Variants in C2CD3 observed in about 807,000 individuals in gnomAD.
C2CD3 encodes the protein C2 domain containing 3 centriole elongation regulator.
C2CD3 carries 148 observed loss-of-function variants against 234.0 expected under a neutral mutation model. That is an observed-to-expected ratio of 0.63 (90% CI 0.55 to 0.72). The LOEUF (loss-of-function observed/expected upper bound fraction) is 0.72, where lower values mean the gene tolerates loss of function less well. Ranked by LOEUF, C2CD3 falls within the 30% of genes least tolerant of loss-of-function variation. The pLI is 0.00. For missense variants in C2CD3, 2,577 were observed against 2,811.5 expected, an observed-to-expected ratio of 0.92 and a Z score of 1.89; for synonymous variants, 1,000 against 1,035.4, an observed-to-expected ratio of 0.97 and a Z score of 0.66.
chr11:74,157,630 TG>T (rs1324824207), intron 3 of C2CD3, among the ~76,000 whole-genome samples: 1 of 152,232 alleles, frequency 6.6e-6, no homozygotes, highest in Non-Finnish European at 1.5e-5. Context: ...TAATGTTAGA[TG>T]TTTTTTCCTT....
intron 12 of C2CD3, among the ~76,000 whole-genome samples, chr11:74,107,326 A>T (rs1225885433): frequency 2.0e-5 from 3 of 150,138 alleles, no homozygotes; most frequent in Non-Finnish European, 3.0e-5. Flanking sequence ...ACTGTGTCAC[A>T]CACACACACA....
chr11:74,049,515 G>A lies in C2CD3; in HGVS notation c.5183C>T (p.Ser1728Leu), dbSNP rs1293879632. The change falls in exon 27 of 33, where the codon TCG (serine) becomes TTG (leucine). Residue 1728 changes from serine (S) to leucine (L), a missense_variant. Transcript: ENST00000334126. ...GDEERVIGFA[S>L]VDLSPLLSGF... ...AGAGAGAAGTGGGGAGAGGTCCACCGAGGCAAAGCCAATCACCCTCTCCTC... is the reference window on the plus strand; with the variant it reads ...AGAGAGAAGTGGGGAGAGGTCCACCAAGGCAAAGCCAATCACCCTCTCCTC... The A allele has an allele frequency of 5.6e-6, 9 of 1,612,400 alleles. No homozygotes were observed. The highest frequency in any genetic ancestry group is 1.3e-5 in the African/African-American group (1 of 74,968).
intron 9 of C2CD3, among the ~76,000 whole-genome samples, chr11:74,115,297 A>G (rs1332297435): frequency 6.6e-6 from 1 of 152,082 alleles, no homozygotes; most frequent in Non-Finnish European, 1.5e-5. Flanking sequence ...TACAATACAT[A>G]TGAGTACAGA....
At chr11:74,039,850 T>G (rs1319036401) in intron 29 of C2CD3, among the ~76,000 whole-genome samples, 2 of 152,218 alleles carry the variant, frequency 1.3e-5, no homozygotes, top group Non-Finnish European at 2.9e-5. Context: ...GAGTTTCTTT[T>G]TTTAAGTGGG....
At position 74,134,626 on chromosome 11, in the gene C2CD3, G is replaced by GA. The variant is rs1957796972; in HGVS notation, c.956-1070dup. Among the ~76,000 whole-genome samples, 7 of 152,274 alleles carry GA rather than the reference G, an allele frequency of 4.6e-5. No homozygotes were observed. In the South Asian group the frequency reaches 1.2e-3, roughly 27 times the overall value. On this transcript the variant is annotated intron_variant, in intron 5 of 32. Coordinates refer to ENST00000334126, the MANE Select transcript of C2CD3 (RefSeq NM_001286577.2). Reference sequence around the variant, plus strand: ...TTTCTTGAGGTTCCACAGGTGCTTAGAAAGTGCCCAACTCCTAGTCTAATT... The same window carrying GA: ...TTTCTTGAGGTTCCACAGGTGCTTAGAAAAGTGCCCAACTCCTAGTCTAATT...
chr11:74,115,989 G>A (rs1956915048), intron 9 of C2CD3, among the ~76,000 whole-genome samples: 2 of 152,122 alleles, frequency 1.3e-5, no homozygotes, highest in African/African-American at 4.8e-5. Flanking sequence ...ATGGATCAAG[G>A]ACTTAAATCT....
intron 11 of C2CD3, chr11:74,113,481 C>T (rs569048176): frequency 5.8e-6 from 2 of 342,224 alleles, no homozygotes; most frequent in Non-Finnish European, 1.1e-5. Flanking sequence ...GGGTTTGAGA[C>T]CACCCTGGCC....
intron 8 of C2CD3, among the ~76,000 whole-genome samples, chr11:74,119,750 C>T (rs1957149491): frequency 6.6e-6 from 1 of 151,754 alleles, no homozygotes; most frequent in African/African-American, 2.4e-5. Flanking sequence ...ATTCTCATGC[C>T]TCAGTCTCCC....
chr11:74,065,193 C>A (rs541363837), intron 24 of C2CD3, among the ~76,000 whole-genome samples: 201 of 152,270 alleles, frequency 1.3e-3, no homozygotes, highest in Non-Finnish European at 2.4e-3. Flanking sequence ...CCAGAATCTA[C>A]AAAGAACTTA....
rs1172170797 is a variant in C2CD3 at position 74,033,656 on chromosome 11, G to C, written c.6504C>G (p.Ala2168=). The change falls in exon 31 of 33, where the codon GCC becomes GCG. Residue 2168 remains alanine, a synonymous_variant. Coordinates refer to ENST00000334126, the MANE Select transcript of C2CD3 (RefSeq NM_001286577.2). ...ATGGGATGGGCTGAGGGTTGGCTGAGGCAGACTCGCCACCAACCCTGGCCT... is the reference window on the plus strand; with the variant it reads ...ATGGGATGGGCTGAGGGTTGGCTGACGCAGACTCGCCACCAACCCTGGCCT... ...ASKARVGGES[A]SANPQPIPCP... is the part of the protein sequence containing the mutation. 1 of 1,536,220 alleles carries C rather than the reference G, an allele frequency of 6.5e-7. No homozygotes were observed. The highest frequency in any genetic ancestry group is 2.0e-5 in the Admixed American group (1 of 51,000).
At chr11:74,143,613 T>C (rs1262576255) in intron 3 of C2CD3, among the ~76,000 whole-genome samples, 1 of 150,590 alleles carries the variant, frequency 6.6e-6, no homozygotes, top group East Asian at 1.9e-4. Context: ...CTCAAACTGC[T>C]GGCCTTAAGT....
intron 7 of C2CD3, among the ~76,000 whole-genome samples, chr11:74,124,610 A>G (rs529009496): frequency 6.6e-6 from 1 of 152,044 alleles, no homozygotes; most frequent in Admixed American, 6.6e-5. Flanking sequence ...ATCTATAGTA[A>G]CTCTCAAAGG....
At chr11:74,074,660 G>C in intron 23 of C2CD3, 60 bp from the exon 24 acceptor site, 1 of 1,363,504 alleles carries the variant, frequency 7.3e-7, no homozygotes, top group South Asian at 1.4e-5. Context: ...AAGCTTGGAG[G>C]AAATACTCAC....
Position 74,118,208 on chromosome 11 carries a change from A to G in C2CD3, c.1520+20T>C, listed in dbSNP as rs1360198735. 1.0e-5 allele frequency: 16 copies of G among 1,598,492 alleles called. No homozygotes were observed. The highest frequency in any genetic ancestry group is 3.4e-6 in the Non-Finnish European group (4 of 1,172,560). The stretch of plus-strand genomic sequence containing the variant: ...CATTCCTTTGTGTTTACCTTTAAAT[A>G]AACAGTCAGAGCAGCTCACCTATTT... On this transcript the variant is annotated intron_variant, in intron 9 of 32. Transcript: ENST00000334126.
At chr11:74,091,832 A>C (rs1193744181) in intron 19 of C2CD3, among the ~76,000 whole-genome samples, 1 of 152,218 alleles carries the variant, frequency 6.6e-6, no homozygotes, top group Non-Finnish European at 1.5e-5. Flanking sequence ...AGCAACATTT[A>C]CATAGACTCC....
intron 30 of C2CD3, 145 bp from the exon 31 acceptor site, chr11:74,034,423 G>T: frequency 6.6e-7 from 1 of 1,519,238 alleles, no homozygotes; most frequent in South Asian, 1.2e-5. Context: ...AAGATTCAGT[G>T]AGACTATATT....
At chr11:74,137,532 A>G (rs1363508179) in intron 5 of C2CD3, among the ~76,000 whole-genome samples, 1 of 108,230 alleles carries the variant, frequency 9.2e-6, no homozygotes. Flanking sequence ...ATAATCTTGG[A>G]GTGTATATAT....
In C2CD3 at chr11:74,033,742, G is replaced by A; in HGVS notation, c.6418C>T (p.His2140Tyr). 5 of 1,536,412 alleles carry A rather than the reference G, an allele frequency of 3.3e-6. No individual in the cohort carries two copies. The highest frequency in any genetic ancestry group is 4.4e-6 in the Non-Finnish European group (5 of 1,146,948). The change falls in exon 31 of 33, where the codon CAC (histidine) becomes TAC (tyrosine). Residue 2140 changes from histidine (H) to tyrosine (Y), a missense_variant. Coordinates refer to ENST00000334126, the MANE Select transcript of C2CD3 (RefSeq NM_001286577.2). ...CTAGGAGAACCCTGCCTAGGCAGGT[G>A]GGGGTTGACAGCCCTTTCTGGGCTG... ...LSSPERAVNP[H>Y]LPRQGSPSQS...
At chr11:74,067,588 CA>C (rs1396402714) in intron 24 of C2CD3, among the ~76,000 whole-genome samples, 1 of 151,684 alleles carries the variant, frequency 6.6e-6, no homozygotes, top group Non-Finnish European at 1.5e-5. Flanking sequence ...TGGTAGTAGG[CA>C]AAAAATCAGT....
Sources: gnomAD v4.1 joint callset for allele counts (sites outside exome capture counted in the v4.1 genomes callset) on GRCh38, gnomAD v4.1.1 for gene constraint, MANE v1.5 for transcripts, NCBI Gene and HGNC (gene_info 2026-07-23, HGNC 2026-07-21) for gene names.